Variants in ZNF91 observed in about 807,000 individuals in gnomAD.
The protein encoded by ZNF91 is zinc finger protein 91 (HPF7, HTF10).
A neutral mutation model predicts 12.6 loss-of-function variants in ZNF91; 7 were observed. That is an observed-to-expected ratio of 0.55 (90% CI 0.31 to 1.04). The LOEUF is 1.04. Among genes scored for constraint, ZNF91 ranks in the 50% least tolerant of loss-of-function variants. ZNF91 has a pLI of 0.05. For missense variants in ZNF91, 1,217 were observed against 1,385.4 expected (o/e 0.88, Z 1.93); for synonymous variants, 453 against 462.6 (o/e 0.98, Z 0.27).
intron 3 of ZNF91, among the ~76,000 whole-genome samples, chr19:23,367,675 A>G (rs1445816495): frequency 6.6e-6 from 1 of 152,194 alleles, no homozygotes; most frequent in Non-Finnish European, 1.5e-5. Context: ...ACAATGAGGT[A>G]CTCACACAGA....
intron 1 of ZNF91, among the ~76,000 whole-genome samples, chr19:23,393,911 A>G (rs1568408052): frequency 6.6e-6 from 1 of 152,082 alleles, no homozygotes; most frequent in African/African-American, 2.4e-5. Flanking sequence ...GAGAGAGGAG[A>G]ATCATTTGAG....
chr19:23,311,302 C>T (rs1395216049), upstream of ZNF91, among the ~76,000 whole-genome samples: 3 of 152,174 alleles, frequency 2.0e-5, no homozygotes, highest in African/African-American at 7.2e-5. Flanking sequence ...TCCTCTCCTG[C>T]CTGGGCCCTG....
At position 23,330,998 on chromosome 19, in the gene ZNF91, T is replaced by C. The variant is rs1176342377; in HGVS notation, n.117-21901A>G. ...AACAATTTGTGGTGACAAGTATATA[T>C]AAGGCAACTTTTAGATAAGCCACTC... On this transcript the variant is annotated intron_variant and non_coding_transcript_variant, in intron 1 of 1. Transcript: ENST00000596528. 2.0e-5 allele frequency among the ~76,000 whole-genome samples: 3 copies of C among 152,230 alleles called. No individual in the cohort carries two copies. In the East Asian group the frequency reaches 5.8e-4, roughly 29 times the overall value.
Position 23,359,627 on chromosome 19 carries a change from A to C in ZNF91, c.3352T>G (p.Ser1118Ala). 6.2e-7 allele frequency: 1 copy of C among 1,613,460 alleles called. No individual in the cohort carries two copies. The part of the protein sequence containing the change: ...CGECGKAFKE[S>A]SALTKHKIIH... The stretch of plus-strand genomic sequence containing the variant: ...ATCTTATGTTTAGTAAGAGCTGAGG[A>C]CTCTTTAAAGGCTTTGCCACATTCT... The change falls in exon 4 of 4, where the codon TCC becomes GCC. Residue 1118 changes from serine to alanine, a missense_variant. Transcript: ENST00000300619.
chr19:23,305,902 T>C (rs1210601721), intron 3 of ZNF91, among the ~76,000 whole-genome samples: 2 of 152,190 alleles, frequency 1.3e-5, no homozygotes, highest in Non-Finnish European at 2.9e-5. Flanking sequence ...GCTTTGTCTA[T>C]ACAAAAAACA....
chr19:23,319,919 A>G lies in ZNF91; in HGVS notation n.117-10822T>C, dbSNP rs532619124. Among the ~76,000 whole-genome samples, 174 of 152,302 alleles carry G rather than the reference A, an allele frequency of 1.1e-3. 1 individual carries two copies. The highest frequency in any genetic ancestry group is 3.9e-3 in the African/African-American group (161 of 41,558). ...AGCAAGGCTCAGGGAAAAAGGTAAGATCCTGGGTGTCCTCTTTGTACAAAG... is the reference window on the plus strand; with the variant it reads ...AGCAAGGCTCAGGGAAAAAGGTAAGGTCCTGGGTGTCCTCTTTGTACAAAG... On this transcript the variant is annotated intron_variant and non_coding_transcript_variant, in intron 1 of 1. Coordinates refer to the ZNF91 transcript ENST00000596528.
intron 3 of ZNF91, among the ~76,000 whole-genome samples, chr19:23,366,334 A>G (rs1969015173): frequency 6.6e-6 from 1 of 152,238 alleles, no homozygotes; most frequent in Admixed American, 6.5e-5. Flanking sequence ...GATGCTTAAA[A>G]TCCTTAAAGA....
intron 3 of ZNF91, among the ~76,000 whole-genome samples, chr19:23,373,380 AT>A (rs1568395270): frequency 3.8e-5 from 3 of 79,956 alleles, no homozygotes; most frequent in Non-Finnish European, 9.3e-5. Flanking sequence ...ATATATATAT[AT>A]ATATAAATAA....
upstream of ZNF91, among the ~76,000 whole-genome samples, chr19:23,313,438 G>A (rs1967502516): frequency 6.6e-6 from 1 of 152,194 alleles, no homozygotes; most frequent in African/African-American, 2.4e-5. Context: ...TTCTTTTTAT[G>A]TTCTTCCCTC....
chr19:23,394,747 A>G (rs1970176619), intron 1 of ZNF91, among the ~76,000 whole-genome samples: 1 of 152,032 alleles, frequency 6.6e-6, no homozygotes, highest in African/African-American at 2.4e-5. Flanking sequence ...AACAAAACAA[A>G]ACCTACATAA....
chr19:23,326,894 C>T (rs1483574273), intron 1 of ZNF91: 25 of 152,168 alleles, frequency 1.6e-4, no homozygotes, highest in Admixed American at 1.6e-3. Context: ...TTGCTAATGC[C>T]TGCTTGCACT....
chr19:23,307,184 A>G (rs1343052859), intron 3 of ZNF91: 1 of 152,192 alleles, frequency 6.6e-6, no homozygotes, highest in Non-Finnish European at 1.5e-5. Context: ...TTCTGCTCTC[A>G]AAACGTATTG....
At chr19:23,343,601 T>G (rs1012702053) in intron 3 of ZNF91, among the ~76,000 whole-genome samples, 4 of 152,240 alleles carry the variant, frequency 2.6e-5, no homozygotes, top group Non-Finnish European at 5.9e-5. Context: ...GCTCATTATG[T>G]AACCTAGTTC....
chr19:23,309,232 G>A (rs1013337576), intron 1 of ZNF91: 3 of 151,892 alleles, frequency 2.0e-5, no homozygotes, highest in Non-Finnish European at 4.4e-5. Context: ...AACTTATACT[G>A]TATGAGAGAC....
intron 1 of ZNF91, among the ~76,000 whole-genome samples, chr19:23,322,668 C>A (rs1043875453): frequency 4.1e-5 from 6 of 147,662 alleles, no homozygotes; most frequent in South Asian, 4.3e-4. Flanking sequence ...CTTTTTCCTC[C>A]TTTCCATCTC....
At chr19:23,318,387 C>G (rs2145852401) in intron 1 of ZNF91, among the ~76,000 whole-genome samples, 1 of 152,204 alleles carries the variant, frequency 6.6e-6, no homozygotes. Context: ...CATCACTGGG[C>G]CCAGCATTGA....
rs1299924294 is a variant in ZNF91, at chr19:23,310,387, G to A, written n.16+161C>T. Among the ~76,000 whole-genome samples the A allele has an allele frequency of 3.3e-5, 5 of 152,176 alleles. No individual in the cohort carries two copies. In the South Asian group the frequency reaches 1.0e-3, roughly 31 times the overall value. ...GGATCTGGTCCACAGGTTGACTGCT[G>A]TCTCTCAGATCAAAATCTAGCACAC... On this transcript the variant is annotated intron_variant and non_coding_transcript_variant, in intron 1 of 3. Transcript: ENST00000593292.
chr19:23,388,723 A>G (rs1044324781), intron 1 of ZNF91, among the ~76,000 whole-genome samples: 8 of 152,088 alleles, frequency 5.3e-5, no homozygotes, highest in Non-Finnish European at 8.8e-5. Context: ...AAATACAAAA[A>G]TTAGCCAGGC....
chr19:23,394,953 G>A (rs1970183903), intron 1 of ZNF91, among the ~76,000 whole-genome samples: 1 of 152,044 alleles, frequency 6.6e-6, no homozygotes, highest in East Asian at 1.9e-4. Flanking sequence ...AAGAGGCCCT[G>A]GGAACCCCAC....
Sources: gnomAD v4.1 joint callset for allele counts (sites outside exome capture counted in the v4.1 genomes callset) on GRCh38, gnomAD v4.1.1 for gene constraint, MANE v1.5 for transcripts, NCBI Gene and HGNC (gene_info 2026-07-23, HGNC 2026-07-21) for gene names.